Variants in MRPL48 observed in about 807,000 individuals in gnomAD.
MRPL48 encodes mitochondrial ribosomal protein L48, also known as large ribosomal subunit protein mL48.
MRPL48 carries 16 observed loss-of-function variants against 32.9 expected under a neutral mutation model. That is an observed-to-expected ratio of 0.49 (90% CI 0.33 to 0.74). The LOEUF (loss-of-function observed/expected upper bound fraction) is 0.74, where lower values mean the gene tolerates loss of function less well. MRPL48 is among the 30% of genes least tolerant of loss of function. The pLI is 0.02. For synonymous variants in MRPL48, 94 were observed against 89.2 expected (o/e 1.05, Z -0.31); for missense variants, 206 against 245.3 (o/e 0.84, Z 1.07).
At chr11:73,817,432 T>G (rs183020630) in intron 3 of MRPL48, among the ~76,000 whole-genome samples, 87 of 152,332 alleles carry the variant, frequency 5.7e-4, no homozygotes, top group African/African-American at 2.0e-3. Flanking sequence ...TATTACTAAA[T>G]TGATCTCCAG....
intron 1 of MRPL48, among the ~76,000 whole-genome samples, chr11:73,793,516 G>A (rs974209009): frequency 6.6e-6 from 1 of 152,200 alleles, no homozygotes; most frequent in African/African-American, 2.4e-5. Flanking sequence ...TCTTGAGGAC[G>A]TTGCATGACT....
intron 2 of MRPL48, among the ~76,000 whole-genome samples, chr11:73,806,822 G>T (rs1463798345): frequency 6.6e-6 from 1 of 151,452 alleles, no homozygotes; most frequent in Non-Finnish European, 1.5e-5. Flanking sequence ...AATCCAAGTT[G>T]TCTTTTTTTT....
intron 5 of MRPL48, among the ~76,000 whole-genome samples, chr11:73,848,190 A>T (rs537484925): frequency 2.0e-5 from 3 of 151,714 alleles, no homozygotes; most frequent in African/African-American, 7.3e-5. Flanking sequence ...TTTTTTTGGC[A>T]TATGAATATT....
intron 1 of MRPL48, among the ~76,000 whole-genome samples, chr11:73,801,125 C>T (rs1947356530): frequency 6.6e-6 from 1 of 152,170 alleles, no homozygotes; most frequent in South Asian, 2.1e-4. Context: ...GTTGTCAATT[C>T]TTAAGCCTGG....
At chr11:73,823,185 C>T (rs1947813474) in intron 3 of MRPL48, 3 of 240,272 alleles carry the variant, frequency 1.2e-5, no homozygotes, top group African/African-American at 6.9e-5. Flanking sequence ...CTCCTCACAT[C>T]TGTGGAAAAA....
At chr11:73,823,861 C>A (rs1483552801) in intron 3 of MRPL48, among the ~76,000 whole-genome samples, 23 of 151,132 alleles carry the variant, frequency 1.5e-4, no homozygotes, top group Admixed American at 1.5e-3. Flanking sequence ...TAAAGACCCC[C>A]CTTTTTTTTT....
intron 5 of MRPL48, chr11:73,851,036 T>C (rs549018540): frequency 3.0e-5 from 15 of 491,924 alleles, no homozygotes; most frequent in Admixed American, 2.4e-4. Flanking sequence ...CAAAGACCCA[T>C]AAATTTGTTT....
intron 3 of MRPL48, 148 bp from the exon 4 acceptor site, chr11:73,825,560 C>CT: frequency 1.6e-6 from 1 of 616,084 alleles, no homozygotes; most frequent in East Asian, 3.3e-5. Context: ...AGGCAGGAGA[C>CT]TGTCTTGTAC....
At chr11:73,829,754 G>A (rs906020985) in intron 4 of MRPL48, among the ~76,000 whole-genome samples, 2 of 151,778 alleles carry the variant, frequency 1.3e-5, no homozygotes, top group Admixed American at 1.3e-4. Flanking sequence ...AATCATCTGA[G>A]TGTTTTTATT....
At chr11:73,822,157 C>A (rs928441037) in intron 3 of MRPL48, among the ~76,000 whole-genome samples, 3 of 152,062 alleles carry the variant, frequency 2.0e-5, no homozygotes, top group African/African-American at 7.2e-5. Context: ...CAGGAAGATA[C>A]CTTGGTTATA....
At chr11:73,791,774 G>C (rs979081206) in intron 1 of MRPL48, among the ~76,000 whole-genome samples, 4 of 152,106 alleles carry the variant, frequency 2.6e-5, no homozygotes, top group African/African-American at 9.7e-5. Context: ...GCCTAAAGTA[G>C]GTACCTGGTA....
chr11:73,796,807 G>C (rs1192739809), intron 1 of MRPL48, among the ~76,000 whole-genome samples: 2 of 152,356 alleles, frequency 1.3e-5, no homozygotes, highest in Middle Eastern at 6.8e-3. Flanking sequence ...GCTCATGCCT[G>C]TAATCCCAGC....
intron 4 of MRPL48, among the ~76,000 whole-genome samples, chr11:73,831,940 C>CAAAAAAAAAA (rs4019304): frequency 4.5e-5 from 3 of 67,110 alleles, no homozygotes; most frequent in Non-Finnish European, 7.8e-5. Flanking sequence ...AACTCTGTCT[C>CAAAAAAAAAA]AAAAAAAAAA....
intron 5 of MRPL48, among the ~76,000 whole-genome samples, chr11:73,849,214 G>A (rs1474288133): frequency 3.3e-5 from 5 of 152,138 alleles, no homozygotes. Flanking sequence ...TCGGCTGACT[G>A]CAACCTCTGC....
At chr11:73,855,322 G>C (rs1342009798) in intron 5 of MRPL48, among the ~76,000 whole-genome samples, 1 of 151,716 alleles carries the variant, frequency 6.6e-6, no homozygotes, top group Non-Finnish European at 1.5e-5. Flanking sequence ...AGTTTCTCAT[G>C]TAGCTTCCTA....
At chr11:73,857,287 C>A (rs147256550) in intron 5 of MRPL48, among the ~76,000 whole-genome samples, 1 of 151,908 alleles carries the variant, frequency 6.6e-6, no homozygotes, top group Non-Finnish European at 1.5e-5. Flanking sequence ...CTCACCACCA[C>A]GCCCAGCTAA....
intron 3 of MRPL48, chr11:73,818,049 G>A (rs1459998665): frequency 1.3e-5 from 2 of 152,832 alleles, no homozygotes; most frequent in East Asian, 1.9e-4. Context: ...CTGGCCTCAA[G>A]TAATCTTCCC....
At chr11:73,827,228 A>T (rs980683678) in intron 4 of MRPL48, among the ~76,000 whole-genome samples, 5 of 151,992 alleles carry the variant, frequency 3.3e-5, no homozygotes, top group African/African-American at 1.2e-4. Flanking sequence ...TACTAAAAAT[A>T]CAAAAATTAG....
chr11:73,853,721 C>T lies in MRPL48; in HGVS notation c.372-6186C>T, dbSNP rs530645968. ...TTTTTTTTTTTTTGAGATGGAGTCTCGCTCTGTTGCCCAGGCTAGAGTGCA... is the reference window on the plus strand; with the variant it reads ...TTTTTTTTTTTTTGAGATGGAGTCTTGCTCTGTTGCCCAGGCTAGAGTGCA... On this transcript the variant is annotated intron_variant, in intron 5 of 7. Transcript: ENST00000310614. Among the ~76,000 whole-genome samples the T allele has an allele frequency of 2.8e-3, 323 of 115,484 alleles. 2 individuals are homozygous for T. Among genetic ancestry groups the T allele is most frequent in the African/African-American group, 1.0e-2 (305 of 30,554 alleles). The allele number at this position is 115,484 out of a possible 152,430, so 75.8% of individuals were successfully genotyped here. A position where few individuals can be genotyped will look rare whatever the true frequency, so the allele number is the denominator to read the frequency against.
Sources: gnomAD v4.1 joint callset for allele counts (sites outside exome capture counted in the v4.1 genomes callset) on GRCh38, gnomAD v4.1.1 for gene constraint, MANE v1.5 for transcripts, NCBI Gene and HGNC (gene_info 2026-07-23, HGNC 2026-07-21) for gene names.